Variants in HLF observed in about 807,000 individuals in gnomAD.
The protein encoded by HLF is HLF transcription factor, PAR bZIP family member.
In HLF, 3 loss-of-function variants were observed where a neutral mutation model predicts 22.6. That is an observed-to-expected ratio of 0.13 (90% CI 0.06 to 0.34). The LOEUF is 0.34. Ranked by LOEUF, HLF falls within the 10% of genes least tolerant of loss-of-function variation. The pLI is 1.00. For missense variants in HLF, 299 were observed against 389.2 expected (o/e 0.77, Z 1.95); for synonymous variants, 151 against 151.8 (o/e 0.99, Z 0.04).
chr17:55,311,893 T>G (rs140968177), intron 2 of HLF, among the ~76,000 whole-genome samples: 75 of 152,362 alleles, frequency 4.9e-4, no homozygotes, highest in African/African-American at 1.8e-3. Flanking sequence ...ACCCAATGTT[T>G]AGTTCCTACT....
chr17:55,288,867 C>G, intron 2 of HLF: 3 of 975,746 alleles, frequency 3.1e-6, no homozygotes, highest in Non-Finnish European at 2.4e-6. Context: ...CAATTTTCCA[C>G]CCTTTAATCA....
At chr17:55,304,200 G>A (rs768039528) in intron 2 of HLF, among the ~76,000 whole-genome samples, 1 of 152,128 alleles carries the variant, frequency 6.6e-6, no homozygotes, top group Non-Finnish European at 1.5e-5. Context: ...TAAGGTACTG[G>A]CACAGCTATC....
At chr17:55,300,784 G>A (rs2081149789) in intron 2 of HLF, among the ~76,000 whole-genome samples, 1 of 152,148 alleles carries the variant, frequency 6.6e-6, no homozygotes, top group Non-Finnish European at 1.5e-5. Context: ...GCCAAGCTCT[G>A]CCTGGTTGCC....
At chr17:55,306,074 T>C (rs772439278) in intron 2 of HLF, among the ~76,000 whole-genome samples, 5 of 152,152 alleles carry the variant, frequency 3.3e-5, no homozygotes, top group Non-Finnish European at 5.9e-5. Context: ...ATTACTGATA[T>C]TACCAGAGAG....
Position 55,315,462 on chromosome 17 carries a change from G to C in HLF, c.672+15G>C. On this transcript the variant is annotated intron_variant, in intron 3 of 3. Transcript: ENST00000226067. ...ATGACCTGAAGGTAAATTGGAACTGGTAATCAGTCTTTGGGCAAATGGAGA... is the reference window on the plus strand; with the variant it reads ...ATGACCTGAAGGTAAATTGGAACTGCTAATCAGTCTTTGGGCAAATGGAGA... 6.3e-7 allele frequency: 1 copy of C among 1,591,622 alleles called. No individual in the cohort carries two copies. The highest frequency in any genetic ancestry group is 8.6e-7 in the Non-Finnish European group (1 of 1,159,776).
intron 2 of HLF, among the ~76,000 whole-genome samples, chr17:55,308,304 A>G (rs1015685114): frequency 1.3e-5 from 2 of 152,232 alleles, no homozygotes; most frequent in Admixed American, 6.5e-5. Flanking sequence ...ACTTTCAAGT[A>G]TCTCTGAACT....
intron 2 of HLF, among the ~76,000 whole-genome samples, chr17:55,291,174 A>G (rs2081058538): frequency 6.6e-6 from 1 of 152,242 alleles, no homozygotes; most frequent in Non-Finnish European, 1.5e-5. Flanking sequence ...TTTCCAAAAG[A>G]TCTAGCTAAG....
At chr17:55,299,228 A>T (rs2081135673) in intron 2 of HLF, among the ~76,000 whole-genome samples, 1 of 152,244 alleles carries the variant, frequency 6.6e-6, no homozygotes, top group South Asian at 2.1e-4. Flanking sequence ...ATTTGTCCCC[A>T]GTAATCCATA....
intron 2 of HLF, among the ~76,000 whole-genome samples, chr17:55,313,050 G>T (rs1408599277): frequency 6.6e-6 from 1 of 152,104 alleles, no homozygotes; most frequent in African/African-American, 2.4e-5. Context: ...TTTGATACTG[G>T]GGAAGCCACG....
At position 55,322,449 on chromosome 17, in the gene HLF, C is replaced by G. The variant is rs1200098043; in HGVS notation, c.*1570C>G. On this transcript the variant is annotated 3_prime_UTR_variant, in exon 4 of 4. Coordinates refer to ENST00000226067, the MANE Select transcript of HLF (RefSeq NM_002126.5). ...AAATTATATAGCAAAGATATATATT[C>G]ACCAATGTTGTACAGAGAAGAAGTG... The G allele has an allele frequency of 4.9e-6, 1 of 204,036 alleles. No homozygotes were observed. The highest frequency in any genetic ancestry group is 1.0e-5 in the Non-Finnish European group (1 of 99,508). 12.6% of individuals were successfully genotyped at this position (204,036 alleles called of 1,614,324 possible).
At chr17:55,275,509 A>G (rs942889030) in intron 2 of HLF, among the ~76,000 whole-genome samples, 1 of 152,248 alleles carries the variant, frequency 6.6e-6, no homozygotes, top group African/African-American at 2.4e-5. Flanking sequence ...TAAAGGCAAT[A>G]TAGTGACCTT....
intron 2 of HLF, among the ~76,000 whole-genome samples, chr17:55,291,998 C>G (rs1193928272): frequency 1.3e-5 from 2 of 152,188 alleles, no homozygotes; most frequent in Admixed American, 6.5e-5. Context: ...GACTGAATTG[C>G]TGCAATCTCA....
intron 2 of HLF, among the ~76,000 whole-genome samples, chr17:55,284,483 G>C (rs554085684): frequency 6.6e-6 from 1 of 152,310 alleles, no homozygotes; most frequent in Admixed American, 6.5e-5. Flanking sequence ...TGATTAACTG[G>C]TTTGCAGATT....
chr17:55,325,084 A>C lies in HLF; in HGVS notation c.*4205A>C, dbSNP rs182616627. ...TCCTTTCTTTCATGTATTTTTATTA[A>C]CAGTTGGCTAGCAATGGTATTCTGT... On this transcript the variant is annotated 3_prime_UTR_variant, in exon 4 of 4. Coordinates refer to ENST00000226067, the MANE Select transcript of HLF (RefSeq NM_002126.5). The C allele has an allele frequency of 1.5e-5, 3 of 200,470 alleles. No individual in the cohort carries two copies. In the East Asian group the frequency reaches 2.3e-4, roughly 15 times the overall value. 12.4% of individuals were successfully genotyped at this position (200,470 alleles called of 1,614,324 possible).
At chr17:55,297,322 G>A (rs890756060) in intron 2 of HLF, among the ~76,000 whole-genome samples, 1 of 152,070 alleles carries the variant, frequency 6.6e-6, no homozygotes, top group African/African-American at 2.4e-5. Flanking sequence ...TCCTTTTGGT[G>A]TGGCCTCAGA....
In HLF at chr17:55,323,886, A is replaced by C. The variant is rs903121814; in HGVS notation, c.*3007A>C. 1 of 229,158 alleles carries C rather than the reference A, an allele frequency of 4.4e-6. No homozygotes were observed. Among genetic ancestry groups the C allele is most frequent in the Admixed American group, 5.7e-5 (1 of 17,642 alleles). The allele number at this position is 229,158 out of a possible 1,614,324, so 14.2% of individuals were successfully genotyped here. A position where few individuals can be genotyped will look rare whatever the true frequency, so the allele number is the denominator to read the frequency against. On this transcript the variant is annotated 3_prime_UTR_variant, in exon 4 of 4. Coordinates refer to ENST00000226067, the MANE Select transcript of HLF (RefSeq NM_002126.5). Reference sequence around the variant, plus strand: ...TGGCCATTAACAATGAATCCAAATCATATCATACTGACATCATCTAGACAT... The same window carrying C: ...TGGCCATTAACAATGAATCCAAATCCTATCATACTGACATCATCTAGACAT...
rs141593645 is a variant in HLF at position 55,274,351 on chromosome 17, G to A, written c.451+6265G>A. On this transcript the variant is annotated intron_variant, in intron 2 of 3. Transcript: ENST00000226067. ...AAATAACATATTAGAGAGGTACAGG[G>A]CCTGTGTTTGATTCTGTAATGGGTG... Among the ~76,000 whole-genome samples, 15 of 152,208 alleles carry A rather than the reference G, an allele frequency of 9.9e-5. No homozygotes were observed. In the East Asian group the frequency reaches 2.9e-3, roughly 29 times the overall value.
At chr17:55,315,112 G>A (rs1036159393) in intron 2 of HLF, 115 bp from the exon 3 acceptor site, 7 of 735,710 alleles carry the variant, frequency 9.5e-6, no homozygotes, top group Admixed American at 2.3e-5. Context: ...AATCATGTTA[G>A]CATCATATAT....
rs1905344539 is a variant in HLF at position 55,323,661 on chromosome 17, T to C, written c.*2782T>C. On this transcript the variant is annotated 3_prime_UTR_variant, in exon 4 of 4. Transcript: ENST00000226067. ...GATACACACACACGAACACTCCCTC[T>C]GGACTGGCTGCCTCTCCATCCAGGG... The C allele has an allele frequency of 4.4e-6, 1 of 229,798 alleles. No homozygotes were observed. The highest frequency in any genetic ancestry group is 2.2e-5 in the African/African-American group (1 of 45,140). The allele number at this position is 229,798 out of a possible 1,614,324, so 14.2% of individuals were successfully genotyped here.
Sources: allele counts gnomAD v4.1 joint callset (sites outside exome capture counted in the v4.1 genomes callset), GRCh38; gene constraint gnomAD v4.1.1; transcripts MANE v1.5; gene names NCBI Gene and HGNC (gene_info 2026-07-23, HGNC 2026-07-21).